DENND6B: variants seen among roughly 807,000 people sequenced by gnomAD.
DENND6B encodes DENN domain containing 6B.
Under a neutral mutation model 85.1 loss-of-function variants are expected in DENND6B, and 73 were observed. The observed-to-expected ratio is 0.86, with a 90% CI of 0.71 to 1.04. The LOEUF is 1.04. Among genes scored for constraint, DENND6B ranks in the 50% least tolerant of loss-of-function variants. DENND6B has a pLI of 0.00. For synonymous variants in DENND6B, 357 were observed against 329.3 expected, an observed-to-expected ratio of 1.08 and a Z score of -0.91; for missense variants, 715 against 785.8, an observed-to-expected ratio of 0.91 and a Z score of 1.08.
rs770403466 is a variant in DENND6B, at chr22:50,314,433, G to A, written c.1039C>T (p.His347Tyr). The A allele has an allele frequency of 5.7e-6, 9 of 1,565,842 alleles. No homozygotes were observed. The highest frequency in any genetic ancestry group is 1.2e-5 in the South Asian group (1 of 85,548). The change falls in exon 12 of 20, where the codon CAC becomes TAC. Residue 347 changes from histidine (H) to tyrosine (Y), a missense_variant. Transcript: ENST00000413817. ...TTGGGCTCCCCGACTCGGAGGATGTGGGGCCAGTGCTGGAGTGTTTTGATA... is the reference window on the plus strand; with the variant it reads ...TTGGGCTCCCCGACTCGGAGGATGTAGGGCCAGTGCTGGAGTGTTTTGATA... Reference protein sequence around the residue: ...FFIKTLQHWPHILRVGEPKMS... With the variant: ...FFIKTLQHWPYILRVGEPKMS...
intron 1 of DENND6B, among the ~76,000 whole-genome samples, chr22:50,323,020 CTTTTTTTTTTTT>C (rs386395718): frequency 1.8e-4 from 7 of 39,020 alleles, no homozygotes; most frequent in Non-Finnish European, 2.5e-4. Context: ...CCGGCTAATG[CTTTTTTTTTTTT>C]TTTTTTTTTT....
intron 1 of DENND6B, among the ~76,000 whole-genome samples, chr22:50,326,249 G>C (rs1428382212): frequency 1.3e-5 from 2 of 152,284 alleles, no homozygotes; most frequent in African/African-American, 4.8e-5. Flanking sequence ...GACGCAGGTG[G>C]AGGGACGGGG....
At chr22:50,326,205 G>A (rs2042184981) in intron 1 of DENND6B, among the ~76,000 whole-genome samples, 2 of 152,268 alleles carry the variant, frequency 1.3e-5, no homozygotes, top group African/African-American at 2.4e-5. Flanking sequence ...GGGCACAGCC[G>A]ATGAACAGAC....
chr22:50,323,377 C>T (rs2042109895), intron 1 of DENND6B, among the ~76,000 whole-genome samples: 1 of 151,108 alleles, frequency 6.6e-6, no homozygotes, highest in South Asian at 2.1e-4. Context: ...GCAACCTCCA[C>T]CTCCCGGGTT....
At chr22:50,315,107 T>C in intron 9 of DENND6B, 186 bp from the exon 10 acceptor site, 1 of 868,818 alleles carries the variant, frequency 1.2e-6, no homozygotes, top group Non-Finnish European at 1.7e-6. Context: ...GCTGTGACAA[T>C]CCACCTGTGC....
At chr22:50,312,684 G>A (rs1424265734) in intron 17 of DENND6B, 59 bp from the exon 18 acceptor site, 2 of 1,219,456 alleles carry the variant, frequency 1.6e-6, no homozygotes, top group East Asian at 5.2e-5. Flanking sequence ...ACAGGCGGGG[G>A]CCATGGGGCT....
intron 16 of DENND6B, 105 bp from the exon 17 acceptor site, chr22:50,313,213 C>T (rs1293992053): frequency 3.2e-6 from 4 of 1,244,736 alleles, no homozygotes; most frequent in African/African-American, 1.5e-5. Flanking sequence ...ACCCCCAGCC[C>T]CCACCCTGCC....
At chr22:50,316,306 G>C (rs925897533) in intron 6 of DENND6B, 53 bp from the exon 7 acceptor site, 1 of 1,563,776 alleles carries the variant, frequency 6.4e-7, no homozygotes. Context: ...AGCTGCTGCC[G>C]AGCCCACCAG....
chr22:50,312,364 G>A lies in DENND6B; in HGVS notation c.1614C>T (p.Val538=). The A allele has an allele frequency of 6.2e-7, 1 of 1,611,934 alleles. No individual in the cohort carries two copies. The highest frequency in any genetic ancestry group is 2.2e-5 in the East Asian group (1 of 44,840). The change falls in exon 19 of 20, where the codon GTC becomes GTT. Residue 538 remains valine (V), a synonymous_variant. Transcript: ENST00000413817. ...DKSEVEVVDL[V]LKLREKLVRA... ...TTACCAGCTTCTCACGAAGTTTCAG[G>A]ACCAGGTCCACGACCTCCACCTCGG... is the stretch of plus-strand genomic sequence containing the variant.
intron 3 of DENND6B, 102 bp from the exon 4 acceptor site, chr22:50,318,122 T>A: frequency 4.3e-6 from 5 of 1,163,102 alleles, no homozygotes; most frequent in Non-Finnish European, 6.1e-6. Context: ...GCCTGGCCTC[T>A]GCTGGTAAAT....
intron 14 of DENND6B, 40 bp downstream of exon 14, chr22:50,313,774 G>A: frequency 1.2e-6 from 2 of 1,609,420 alleles, no homozygotes; most frequent in Non-Finnish European, 8.5e-7. Flanking sequence ...ACCACACCAG[G>A]CTCCCTGCGT....
In DENND6B at chr22:50,314,905, G is replaced by A. The variant is rs73439311; in HGVS notation, c.775C>T (p.Leu259=). ...LDLFRCFRPV[L]THMQTLWELM... ...TCCCACAGTGTCTGCATATGAGTCA[G>A]CACAGGCCGGAAGCACCTGGGGCCG... The change falls in exon 10 of 20, where the codon CTG becomes TTG. Residue 259 remains leucine (L), a synonymous_variant. Transcript: ENST00000413817. The A allele has an allele frequency of 0.38, 619,139 of 1,611,296 alleles. 121,515 individuals are homozygous for A. Among genetic ancestry groups the A allele is most frequent in the South Asian group, 0.56 (51,179 of 91,002 alleles).
Position 50,318,944 on chromosome 22 carries a change from C to T in DENND6B, c.216+21G>A, listed in dbSNP as rs756448407. On this transcript the variant is annotated intron_variant, in intron 2 of 19. Transcript: ENST00000413817. ...GACCCACTCCTGGGTCCTGTCCATT[C>T]CCAAGAGGGCCGGGACTCACCTCCT... 9 of 1,608,778 alleles carry T rather than the reference C, an allele frequency of 5.6e-6. No homozygotes were observed. The South Asian group carries it at 1.0e-4, about 18-fold the overall frequency.
intron 1 of DENND6B, among the ~76,000 whole-genome samples, chr22:50,320,587 G>C (rs935421418): frequency 1.3e-5 from 2 of 152,198 alleles, no homozygotes; most frequent in Non-Finnish European, 2.9e-5. Flanking sequence ...AGAACAGGTG[G>C]GTGGAGGGGA....
At chr22:50,322,087 T>TTC (rs2042063163) in intron 1 of DENND6B, among the ~76,000 whole-genome samples, 1 of 151,546 alleles carries the variant, frequency 6.6e-6, no homozygotes, top group Non-Finnish European at 1.5e-5. Flanking sequence ...AATTTTTTTT[T>TTC]TTTTTGAGAT....
intron 1 of DENND6B, among the ~76,000 whole-genome samples, chr22:50,321,705 C>T (rs1444247491): frequency 1.3e-5 from 2 of 151,560 alleles, no homozygotes; most frequent in Non-Finnish European, 1.5e-5. Flanking sequence ...GTCTCACTGT[C>T]ACCCAGGCTG....
At chr22:50,315,638 G>T in intron 9 of DENND6B, 76 bp downstream of exon 9, 1 of 1,464,910 alleles carries the variant, frequency 6.8e-7, no homozygotes, top group Admixed American at 2.1e-5. Flanking sequence ...ACACACAGAT[G>T]CACACATGCA....
Position 50,316,353 on chromosome 22 carries a change from G to A in DENND6B, c.559+17C>T, listed in dbSNP as rs372122852. On this transcript the variant is annotated intron_variant, in intron 6 of 19. Coordinates refer to ENST00000413817, the MANE Select transcript of DENND6B (RefSeq NM_001001794.4). ...GGGATGATGAGACCACGATGGCCAC[G>A]ACTGATGGCCACTCACCTGCTTCCA... 69 of 1,567,060 alleles carry A rather than the reference G, an allele frequency of 4.4e-5. No homozygotes were observed. In the African/African-American group the frequency reaches 7.6e-4, roughly 17 times the overall value.
Position 50,316,417 on chromosome 22 carries a change from A to G in DENND6B, c.512T>C (p.Leu171Pro), listed in dbSNP as rs749257538. Residue 171 changes from leucine to proline, a missense_variant, in exon 6 of 20, where the codon CTC (leucine) becomes CCC (proline). Coordinates refer to ENST00000413817, the MANE Select transcript of DENND6B (RefSeq NM_001001794.4). Reference sequence around the variant, plus strand: ...CTTGTCAAAGTACTCGGGGGCGATGAGGCTTAGCAGCGCTTGGAACAGCCG... The same window carrying G: ...CTTGTCAAAGTACTCGGGGGCGATGGGGCTTAGCAGCGCTTGGAACAGCCG... ...FVRLFQALLS[L>P]IAPEYFDKLA... 1.9e-6 allele frequency: 3 copies of G among 1,589,148 alleles called. No individual in the cohort carries two copies. The South Asian group carries it at 3.4e-5, about 18-fold the overall frequency.
Sources: allele counts gnomAD v4.1 joint callset (sites outside exome capture counted in the v4.1 genomes callset), GRCh38; gene constraint gnomAD v4.1.1; transcripts MANE v1.5; gene names NCBI Gene and HGNC (gene_info 2026-07-23, HGNC 2026-07-21).